Variants in GATAD2A observed in about 807,000 individuals in gnomAD.
GATAD2A encodes transcriptional repressor p66-alpha.
GATAD2A carries 12 observed loss-of-function variants against 68.5 expected under a neutral mutation model. The observed-to-expected ratio is 0.18, with a 90% CI of 0.11 to 0.28. The LOEUF is 0.28. GATAD2A is among the 10% of genes least tolerant of loss of function. GATAD2A has a pLI of 1.00. For missense variants in GATAD2A, 755 were observed against 868.5 expected (o/e 0.87, Z 1.64); for synonymous variants, 410 against 375.3 (o/e 1.09, Z -1.07).
At chr19:19,452,601 G>A (rs1014649802) in intron 1 of GATAD2A, among the ~76,000 whole-genome samples, 3 of 151,814 alleles carry the variant, frequency 2.0e-5, no homozygotes, top group African/African-American at 7.3e-5. Flanking sequence ...GTGAAGTGAC[G>A]TGCAGAATTG....
At chr19:19,473,125 C>T (rs1483733873) in intron 2 of GATAD2A, among the ~76,000 whole-genome samples, 1 of 152,072 alleles carries the variant, frequency 6.6e-6, no homozygotes, top group Non-Finnish European at 1.5e-5. Context: ...GCAAGTTGTC[C>T]CCGTTAGTGG....
At position 19,473,533 on chromosome 19, in the gene GATAD2A, G is replaced by A. The variant is rs2148135886; in HGVS notation, c.269+7919G>A. Among the ~76,000 whole-genome samples the A allele has an allele frequency of 1.3e-5, 2 of 152,252 alleles. 1 individual carries two copies. The highest frequency in any genetic ancestry group is 4.2e-4 in the South Asian group (2 of 4,818). Reference sequence around the variant, plus strand: ...GACTTTTGCAGTCACCAAGAGGGCGGTGGGGTGACACATCTGTGTCACTTC... The same window carrying A: ...GACTTTTGCAGTCACCAAGAGGGCGATGGGGTGACACATCTGTGTCACTTC... On this transcript the variant is annotated intron_variant, in intron 2 of 11. Transcript: ENST00000683918.
chr19:19,400,140 A>G (rs1017485693), intron 1 of GATAD2A, among the ~76,000 whole-genome samples: 1 of 152,138 alleles, frequency 6.6e-6, no homozygotes, highest in African/African-American at 2.4e-5. Flanking sequence ...CTAGTGACAC[A>G]TGGCAGATGA....
chr19:19,415,533 T>A (rs898031842), intron 1 of GATAD2A, among the ~76,000 whole-genome samples: 2 of 150,812 alleles, frequency 1.3e-5, no homozygotes, highest in Non-Finnish European at 2.9e-5. Flanking sequence ...CACTGTAACC[T>A]CCGCTTCCCA....
At chr19:19,400,854 T>A (rs1218957698), upstream of GATAD2A, among the ~76,000 whole-genome samples, 1 of 152,026 alleles carries the variant, frequency 6.6e-6, no homozygotes, top group African/African-American at 2.4e-5. Flanking sequence ...GAATGCAAAG[T>A]ACAGAAAGTA....
chr19:19,471,778 T>C (rs373156702), intron 2 of GATAD2A, among the ~76,000 whole-genome samples: 36 of 151,986 alleles, frequency 2.4e-4, no homozygotes, highest in Non-Finnish European at 4.3e-4. Context: ...CCCGCAGAGG[T>C]AGAAGTTGTG....
intron 1 of GATAD2A, among the ~76,000 whole-genome samples, chr19:19,432,901 G>A (rs1379429095): frequency 1.3e-5 from 2 of 152,188 alleles, no homozygotes; most frequent in Non-Finnish European, 2.9e-5. Context: ...ATATAGTTTG[G>A]AGACCTCCAT....
chr19:19,443,832 TGGG>T (rs2055379241), intron 1 of GATAD2A, among the ~76,000 whole-genome samples: 1 of 151,716 alleles, frequency 6.6e-6, no homozygotes, highest in South Asian at 2.1e-4. Context: ...AGAGGCCACT[TGGG>T]GGTAGTTTAG....
chr19:19,473,709 G>A (rs940838585), intron 2 of GATAD2A, among the ~76,000 whole-genome samples: 2 of 151,646 alleles, frequency 1.3e-5, no homozygotes, highest in Admixed American at 6.6e-5. Flanking sequence ...AGGCCGAGGC[G>A]GGCAGATCAC....
At chr19:19,400,305 CAG>C (rs2049613263) in intron 1 of GATAD2A, among the ~76,000 whole-genome samples, 1 of 152,198 alleles carries the variant, frequency 6.6e-6, no homozygotes. Flanking sequence ...TGCCTAACTG[CAG>C]ATGGAGCCTG....
At chr19:19,474,073 C>A in intron 2 of GATAD2A, 1 of 984,834 alleles carries the variant, frequency 1.0e-6, no homozygotes, top group Non-Finnish European at 1.2e-6. Context: ...GGAGTGTGGA[C>A]GGCTTTGTTT....
chr19:19,493,353 G>T (rs1157662802), intron 4 of GATAD2A, among the ~76,000 whole-genome samples: 1 of 152,040 alleles, frequency 6.6e-6, no homozygotes, highest in Non-Finnish European at 1.5e-5. Context: ...CACTGTGGGC[G>T]CAGGGGATGC....
At chr19:19,436,561 T>C (rs1425345173) in intron 1 of GATAD2A, among the ~76,000 whole-genome samples, 3 of 152,228 alleles carry the variant, frequency 2.0e-5, no homozygotes, top group Non-Finnish European at 4.4e-5. Flanking sequence ...CCAGCAGTGA[T>C]AGATGCCGTT....
In GATAD2A at chr19:19,505,553, C is replaced by G. The variant is rs577427010; in HGVS notation, c.*79C>G. 2 of 1,302,290 alleles carry G rather than the reference C, an allele frequency of 1.5e-6. No individual in the cohort carries two copies. The highest frequency in any genetic ancestry group is 2.6e-5 in the East Asian group (1 of 38,310). 80.7% of individuals were successfully genotyped at this position (1,302,290 alleles called of 1,614,324 possible). A position where few individuals can be genotyped will look rare whatever the true frequency, so the allele number is the denominator to read the frequency against. On this transcript the variant is annotated 3_prime_UTR_variant, in exon 12 of 12. Transcript: ENST00000683918. ...GTCTAGAAGGACCCACTGCACCACC[C>G]TCCGCTGGCTCGGGAAGACACCGTG...
chr19:19,393,310 A>G (rs2048985684), intron 1 of GATAD2A, among the ~76,000 whole-genome samples: 1 of 152,172 alleles, frequency 6.6e-6, no homozygotes, highest in African/African-American at 2.4e-5. Flanking sequence ...CCGTGTAAAA[A>G]AAAAAAAATT....
At chr19:19,453,501 G>C (rs1368530869) in intron 1 of GATAD2A, among the ~76,000 whole-genome samples, 1 of 151,886 alleles carries the variant, frequency 6.6e-6, no homozygotes, top group East Asian at 1.9e-4. Context: ...GAGTCTGTCC[G>C]CTGTGCCCCC....
chr19:19,448,371 C>T (rs1197827236), intron 1 of GATAD2A, among the ~76,000 whole-genome samples: 2 of 152,262 alleles, frequency 1.3e-5, no homozygotes, highest in African/African-American at 4.8e-5. Flanking sequence ...TGTGGGGCCA[C>T]TTCAAGCACG....
intron 1 of GATAD2A, among the ~76,000 whole-genome samples, chr19:19,445,827 T>C (rs2055647299): frequency 6.6e-6 from 1 of 152,218 alleles, no homozygotes; most frequent in African/African-American, 2.4e-5. Context: ...TTGATGGACA[T>C]TTGGGTTGTT....
At chr19:19,394,437 G>T (rs2049070010) in intron 1 of GATAD2A, among the ~76,000 whole-genome samples, 1 of 151,166 alleles carries the variant, frequency 6.6e-6, no homozygotes. Context: ...CTCTGCCCGG[G>T]CTTTCCTCTT....
Sources: allele counts gnomAD v4.1 joint callset (sites outside exome capture counted in the v4.1 genomes callset), GRCh38; gene constraint gnomAD v4.1.1; transcripts MANE v1.5; gene names NCBI Gene and HGNC (gene_info 2026-07-23, HGNC 2026-07-21).